The following SCAPER variants were observed in gnomAD, a reference collection of about 807,000 sequenced individuals.
SCAPER encodes S-phase cyclin A associated protein in the ER.
A neutral mutation model predicts 182.2 loss-of-function variants in SCAPER; 98 were observed. That is an observed-to-expected ratio of 0.54 (90% CI 0.46 to 0.64). SCAPER has a LOEUF of 0.64. Among genes scored for constraint, SCAPER ranks in the 30% least tolerant of loss-of-function variants. The pLI is 0.00. For missense variants in SCAPER, 1,432 were observed against 1,690.0 expected (o/e 0.85, Z 2.68); for synonymous variants, 605 against 564.6 (o/e 1.07, Z -1.01).
chr15:76,825,140 C>T (rs1019659026), intron 5 of SCAPER, among the ~76,000 whole-genome samples: 20 of 152,298 alleles, frequency 1.3e-4, no homozygotes, highest in African/African-American at 4.8e-4. Context: ...CTTTCTTTTG[C>T]CTGGAATATT....
At chr15:76,824,116 C>G (rs1371659700) in intron 5 of SCAPER, among the ~76,000 whole-genome samples, 1 of 152,174 alleles carries the variant, frequency 6.6e-6, no homozygotes, top group Non-Finnish European at 1.5e-5. Context: ...ACAAGACAAG[C>G]AGCTGGAGCA....
At chr15:76,837,512 AACTC>A (rs1419979964) in intron 5 of SCAPER, among the ~76,000 whole-genome samples, 4 of 152,212 alleles carry the variant, frequency 2.6e-5, no homozygotes, top group Non-Finnish European at 5.9e-5. Flanking sequence ...ATATCATGAG[AACTC>A]ACTCACTATC....
At chr15:76,592,181 A>G (rs1255411937) in intron 22 of SCAPER, among the ~76,000 whole-genome samples, 1 of 151,976 alleles carries the variant, frequency 6.6e-6, no homozygotes, top group African/African-American at 2.4e-5. Context: ...ACATATAGGT[A>G]TATAAAAATA....
intron 20 of SCAPER, among the ~76,000 whole-genome samples, chr15:76,677,365 A>G (rs1225914902): frequency 6.7e-6 from 1 of 149,020 alleles, no homozygotes; most frequent in Non-Finnish European, 1.5e-5. Flanking sequence ...GATGCAGTAG[A>G]AGGAGCACTA....
At chr15:76,596,369 A>G (rs1367433959) in intron 22 of SCAPER, among the ~76,000 whole-genome samples, 1 of 117,194 alleles carries the variant, frequency 8.5e-6, no homozygotes, top group African/African-American at 2.6e-5. Flanking sequence ...ATTCATAGCC[A>G]AATTCTACCA....
In SCAPER at chr15:76,795,448, G is replaced by GA; in HGVS notation, c.612-9dup. On this transcript the variant is annotated splice_polypyrimidine_tract_variant and intron_variant, in intron 7 of 31. Transcript: ENST00000563290. The stretch of plus-strand genomic sequence containing the variant: ...ACTGTGCCAGTTGAACCTCTATGGA[G>GA]AAAAATAAACACATTTAATAAATTA... 1 of 1,520,152 alleles carries GA rather than the reference G, an allele frequency of 6.6e-7. No individual in the cohort carries two copies. Among genetic ancestry groups the GA allele is most frequent in the Non-Finnish European group, 8.8e-7 (1 of 1,136,838 alleles). 94.2% of individuals were successfully genotyped at this position (1,520,152 alleles called of 1,614,324 possible).
chr15:76,541,064 G>A (rs1183230691), intron 23 of SCAPER, among the ~76,000 whole-genome samples: 1 of 151,798 alleles, frequency 6.6e-6, no homozygotes, highest in African/African-American at 2.4e-5. Flanking sequence ...AGGTTGCAGT[G>A]AGCCGAGATC....
At chr15:76,428,204 A>G (rs929260455) in intron 26 of SCAPER, among the ~76,000 whole-genome samples, 3 of 152,206 alleles carry the variant, frequency 2.0e-5, no homozygotes, top group African/African-American at 4.8e-5. Flanking sequence ...GCCATCATGT[A>G]AAAAGTATGG....
At chr15:76,904,212 C>T (rs1045573322) in intron 1 of SCAPER, among the ~76,000 whole-genome samples, 3 of 152,136 alleles carry the variant, frequency 2.0e-5, no homozygotes, top group Admixed American at 6.5e-5. Context: ...TTACCACTCA[C>T]CAGCTGGTGA....
intron 5 of SCAPER, among the ~76,000 whole-genome samples, chr15:76,838,710 G>A (rs1241925713): frequency 2.0e-5 from 3 of 152,090 alleles, no homozygotes; most frequent in Non-Finnish European, 4.4e-5. Context: ...AGATTGAAAT[G>A]GGAAACAAGG....
At chr15:76,394,557 G>A (rs1422380949) in intron 27 of SCAPER, among the ~76,000 whole-genome samples, 3 of 152,014 alleles carry the variant, frequency 2.0e-5, no homozygotes, top group African/African-American at 4.8e-5. Context: ...CATTCCTTTC[G>A]TCTCTTACCT....
In SCAPER at chr15:76,500,302, T is replaced by C. The variant is rs912884063; in HGVS notation, c.2954+4557A>G. Reference sequence around the variant, plus strand: ...GGCTGACAGAGAAGAAATAGGCACCTGGTTAGTTCCCCAGCAGAACAACCT... The same window carrying C: ...GGCTGACAGAGAAGAAATAGGCACCCGGTTAGTTCCCCAGCAGAACAACCT... On this transcript the variant is annotated intron_variant, in intron 24 of 31. Transcript: ENST00000563290. Among the ~76,000 whole-genome samples the C allele has an allele frequency of 3.9e-5, 6 of 152,386 alleles. No individual in the cohort carries two copies. In the East Asian group the frequency reaches 5.8e-4, roughly 15 times the overall value.
At chr15:76,856,328 G>A (rs1036595329) in intron 4 of SCAPER, among the ~76,000 whole-genome samples, 21 of 151,932 alleles carry the variant, frequency 1.4e-4, no homozygotes, top group African/African-American at 4.8e-4. Context: ...TCATACCTGC[G>A]TGATGAAATA....
intron 24 of SCAPER, among the ~76,000 whole-genome samples, chr15:76,478,707 C>G (rs2050854715): frequency 6.6e-6 from 1 of 152,112 alleles, no homozygotes; most frequent in Non-Finnish European, 1.5e-5. Flanking sequence ...GTTTGAAATG[C>G]CATCTTTATC....
At chr15:76,720,535 A>T (rs1290344261) in intron 17 of SCAPER, among the ~76,000 whole-genome samples, 1 of 152,212 alleles carries the variant, frequency 6.6e-6, no homozygotes, top group Non-Finnish European at 1.5e-5. Flanking sequence ...ACTAGTTTAC[A>T]GTCCCACCAA....
intron 9 of SCAPER, chr15:76,774,265 C>CA (rs1392773450): frequency 0.023 from 5,042 of 219,740 alleles, no homozygotes; most frequent in South Asian, 0.052. Flanking sequence ...GGACAATGTA[C>CA]AAAAAAAAAA....
intron 24 of SCAPER, among the ~76,000 whole-genome samples, chr15:76,497,109 C>CTTTTT (rs57202860): frequency 1.6e-4 from 14 of 86,714 alleles, no homozygotes; most frequent in Admixed American, 5.8e-4. Context: ...TTGGTCTCCT[C>CTTTTT]TTTTTTTTTT....
chr15:76,730,426 C>G (rs1412935272), intron 16 of SCAPER, among the ~76,000 whole-genome samples: 1 of 152,020 alleles, frequency 6.6e-6, no homozygotes, highest in Admixed American at 6.6e-5. Context: ...ATATCCTTTA[C>G]TGTCTGAGCA....
intron 13 of SCAPER, 21 bp downstream of exon 13, chr15:76,765,316 A>G (rs751674522): frequency 1.3e-5 from 20 of 1,581,096 alleles, no homozygotes; most frequent in Admixed American, 1.7e-5. Context: ...ACCATTTCAA[A>G]TTAATTTTCA....
Sources: allele counts gnomAD v4.1 joint callset (sites outside exome capture counted in the v4.1 genomes callset), GRCh38; gene constraint gnomAD v4.1.1; transcripts MANE v1.5; gene names NCBI Gene and HGNC (gene_info 2026-07-23, HGNC 2026-07-21).